The following COBLL1 variants were observed in gnomAD, a reference collection of about 807,000 sequenced individuals.
The protein encoded by COBLL1 is cordon-bleu protein-like 1.
In COBLL1, 50 loss-of-function variants were observed where a neutral mutation model predicts 94.8. The ratio of observed to expected loss-of-function variants is 0.53; its 90% CI spans 0.42 to 0.67. The LOEUF is 0.67. Ranked by LOEUF, COBLL1 falls within the 30% of genes least tolerant of loss-of-function variation. The pLI is 0.00. For synonymous variants in COBLL1, 448 were observed against 473.8 expected (o/e 0.95, Z 0.71); for missense variants, 1,362 against 1,348.7 (o/e 1.01, Z -0.15).
intron 2 of COBLL1, among the ~76,000 whole-genome samples, chr2:164,792,919 T>TA (rs1248019376): frequency 1.4e-4 from 22 of 152,112 alleles, no homozygotes; most frequent in Admixed American, 1.4e-3. Flanking sequence ...AATGTCTCCT[T>TA]GGAATGAACA....
intron 2 of COBLL1, among the ~76,000 whole-genome samples, chr2:164,816,609 C>T (rs988038825): frequency 6.6e-6 from 1 of 152,152 alleles, no homozygotes; most frequent in Non-Finnish European, 1.5e-5. Context: ...TAAGAATCCA[C>T]AGAATTTAGC....
At chr2:164,781,477 C>G (rs936836057) in intron 2 of COBLL1, among the ~76,000 whole-genome samples, 1 of 152,184 alleles carries the variant, frequency 6.6e-6, no homozygotes, top group African/African-American at 2.4e-5. Context: ...GTTCACTGTA[C>G]ACTTACTGCA....
intron 1 of COBLL1, among the ~76,000 whole-genome samples, chr2:164,668,671 A>C (rs1222642165): frequency 6.6e-6 from 1 of 152,222 alleles, no homozygotes; most frequent in Non-Finnish European, 1.5e-5. Flanking sequence ...CAGTGAAATG[A>C]GGTATGCCTG....
intron 7 of COBLL1, among the ~76,000 whole-genome samples, chr2:164,706,738 A>T (rs1574445659): frequency 6.6e-6 from 1 of 152,252 alleles, no homozygotes; most frequent in Admixed American, 6.5e-5. Flanking sequence ...CTTAACTGCT[A>T]CTATGTTGTC....
chr2:164,754,851 C>A (rs913153364), intron 2 of COBLL1, among the ~76,000 whole-genome samples: 1 of 152,148 alleles, frequency 6.6e-6, no homozygotes, highest in African/African-American at 2.4e-5. Context: ...CTCTGTGTGA[C>A]AATGAAGTAG....
chr2:164,698,856 C>T (rs1174430379), intron 11 of COBLL1, among the ~76,000 whole-genome samples: 1 of 151,728 alleles, frequency 6.6e-6, no homozygotes, highest in Non-Finnish European at 1.5e-5. Flanking sequence ...GAATATATGC[C>T]TTATGATATA....
At chr2:164,828,014 A>G (rs996979709) in intron 2 of COBLL1, among the ~76,000 whole-genome samples, 1 of 152,194 alleles carries the variant, frequency 6.6e-6, no homozygotes, top group Admixed American at 6.5e-5. Flanking sequence ...GAATTTTATA[A>G]TAGAGTGCTG....
At chr2:164,705,890 C>T (rs996941704) in intron 7 of COBLL1, among the ~76,000 whole-genome samples, 1 of 152,028 alleles carries the variant, frequency 6.6e-6, no homozygotes, top group South Asian at 2.1e-4. Flanking sequence ...AAAAATTAGC[C>T]AGGCGTGGTG....
At chr2:164,784,751 T>G (rs1369142575) in intron 2 of COBLL1, among the ~76,000 whole-genome samples, 1 of 152,152 alleles carries the variant, frequency 6.6e-6, no homozygotes, top group Non-Finnish European at 1.5e-5. Context: ...CCCTTTACAC[T>G]GTGGATTCCC....
intron 2 of COBLL1, among the ~76,000 whole-genome samples, chr2:164,820,326 C>T (rs1685102599): frequency 6.6e-6 from 1 of 152,044 alleles, no homozygotes; most frequent in Admixed American, 6.6e-5. Flanking sequence ...CTAAATTGAT[C>T]CTTTCACCTC....
At chr2:164,818,422 T>C (rs1181682851) in intron 2 of COBLL1, among the ~76,000 whole-genome samples, 1 of 149,476 alleles carries the variant, frequency 6.7e-6, no homozygotes, top group Non-Finnish European at 1.5e-5. Context: ...ATATTTACAA[T>C]GTATGCATGT....
intron 7 of COBLL1, among the ~76,000 whole-genome samples, chr2:164,712,711 A>G (rs895807710): frequency 3.9e-5 from 6 of 152,000 alleles, no homozygotes; most frequent in African/African-American, 1.2e-4. Flanking sequence ...TGTAATTTAG[A>G]AGAATGAGGT....
At chr2:164,707,175 A>G (rs1156766266) in intron 7 of COBLL1, among the ~76,000 whole-genome samples, 1 of 150,468 alleles carries the variant, frequency 6.6e-6, no homozygotes, top group South Asian at 2.1e-4. Flanking sequence ...ACAGAGTCTC[A>G]CTCTCCACCT....
In COBLL1 at chr2:164,683,446, T is replaced by C. The variant is rs1416368681; in HGVS notation, c.*2500A>G. 2 of 152,120 alleles carry C rather than the reference T, an allele frequency of 1.3e-5. No homozygotes were observed. Among genetic ancestry groups the C allele is most frequent in the African/African-American group, 4.8e-5 (2 of 41,446 alleles). 9.4% of individuals were successfully genotyped at this position (152,120 alleles called of 1,614,324 possible). ...AAGGCAACTTTTCAGAACATACATG[T>C]ATTAATGGTTTATATACATAGCCCC... On this transcript the variant is annotated 3_prime_UTR_variant, in exon 14 of 14. Coordinates refer to ENST00000652658, the MANE Select transcript of COBLL1 (RefSeq NM_001365672.2).
chr2:164,752,761 T>C (rs1687192025), intron 2 of COBLL1, among the ~76,000 whole-genome samples: 1 of 151,554 alleles, frequency 6.6e-6, no homozygotes, highest in South Asian at 2.1e-4. Flanking sequence ...CTTCCCCAGG[T>C]GAGGTTGGAG....
chr2:164,667,803 A>G (rs1378502373), intron 1 of COBLL1, among the ~76,000 whole-genome samples: 1 of 152,176 alleles, frequency 6.6e-6, no homozygotes, highest in Non-Finnish European at 1.5e-5. Context: ...CAGACCACTA[A>G]ACTGTCTCCA....
At chr2:164,839,244 T>C (rs1683467478) in intron 2 of COBLL1, among the ~76,000 whole-genome samples, 1 of 152,200 alleles carries the variant, frequency 6.6e-6, no homozygotes, top group Non-Finnish European at 1.5e-5. Context: ...ACAAATTAGA[T>C]AAGGCTCTTT....
intron 2 of COBLL1, chr2:164,779,507 G>A (rs1290584239): frequency 6.4e-6 from 2 of 313,248 alleles, no homozygotes; most frequent in African/African-American, 4.3e-5. Flanking sequence ...TTCCATGTAA[G>A]CTTCAGGAGA....
At chr2:164,717,204 G>T (rs935786343) in intron 7 of COBLL1, among the ~76,000 whole-genome samples, 1 of 152,026 alleles carries the variant, frequency 6.6e-6, no homozygotes. Flanking sequence ...GTCAAACAGC[G>T]CACCCTTGTG....
Sources: gnomAD v4.1 joint callset for allele counts (sites outside exome capture counted in the v4.1 genomes callset) on GRCh38, gnomAD v4.1.1 for gene constraint, MANE v1.5 for transcripts, NCBI Gene and HGNC (gene_info 2026-07-23, HGNC 2026-07-21) for gene names.